Variants in PCDHA5 observed in about 807,000 individuals in gnomAD.
PCDHA5 encodes the protein protocadherin alpha-5.
Under a neutral mutation model 61.6 loss-of-function variants are expected in PCDHA5, and 43 were observed. The ratio of observed to expected loss-of-function variants is 0.70; its 90% CI spans 0.55 to 0.90. The LOEUF (loss-of-function observed/expected upper bound fraction) is 0.90. Among genes scored for constraint, PCDHA5 ranks in the 40% least tolerant of loss-of-function variants. PCDHA5 has a pLI of 0.00. For synonymous variants in PCDHA5, 627 were observed against 543.9 expected (o/e 1.15, Z -2.13); for missense variants, 1,298 against 1,222.7 (o/e 1.06, Z -0.92).
chr5:140,883,970 C>A (rs1554180846), intron 1 of PCDHA5: 1 of 1,612,990 alleles, frequency 6.2e-7, no homozygotes, highest in South Asian at 1.1e-5. Context: ...GCTGCTGACG[C>A]CCGGGGCTGG....
chr5:140,978,175 G>A (rs1163383689), intron 1 of PCDHA5, among the ~76,000 whole-genome samples: 1 of 152,170 alleles, frequency 6.6e-6, no homozygotes, highest in Admixed American at 6.5e-5. Context: ...TTTGTAGAGA[G>A]AGGGCAACAG....
intron 1 of PCDHA5, chr5:140,856,123 G>A (rs782708607): frequency 6.3e-7 from 1 of 1,598,078 alleles, no homozygotes; most frequent in African/African-American, 1.3e-5. Flanking sequence ...CCTGGGAGGT[G>A]GGGAGCGGCC....
rs1337120304 is a variant in PCDHA5, at chr5:140,839,855, G to A, written c.2352+15728G>A. The stretch of plus-strand genomic sequence containing the variant: ...ATGAATCCATGGAGAATTTACTTTT[G>A]AGGTGGACTTTGAAAGATGAATAGA... On this transcript the variant is annotated intron_variant, in intron 1 of 3. Coordinates refer to ENST00000529859, the MANE Select transcript of PCDHA5 (RefSeq NM_018908.3). Among the ~76,000 whole-genome samples, 4 of 151,970 alleles carry A rather than the reference G, an allele frequency of 2.6e-5. 1 individual carries two copies. The highest frequency in any genetic ancestry group is 9.7e-5 in the African/African-American group (4 of 41,328).
chr5:140,983,118 A>G (rs1251873984), intron 3 of PCDHA5, among the ~76,000 whole-genome samples: 1 of 152,220 alleles, frequency 6.6e-6, no homozygotes, highest in African/African-American at 2.4e-5. Flanking sequence ...CATCAACAAC[A>G]TTCTGCAGAC....
chr5:140,951,762 A>G (rs2094630710), intron 1 of PCDHA5, among the ~76,000 whole-genome samples: 1 of 152,090 alleles, frequency 6.6e-6, no homozygotes, highest in Non-Finnish European at 1.5e-5. Flanking sequence ...GCGAAATCTC[A>G]TGACGTTCTT....
At chr5:140,955,705 T>G (rs1554222053) in intron 1 of PCDHA5, among the ~76,000 whole-genome samples, 1 of 152,232 alleles carries the variant, frequency 6.6e-6, no homozygotes, top group East Asian at 1.9e-4. Context: ...CAATGGAAGT[T>G]TAATAGGAAT....
rs1563652468 is a variant in PCDHA5, at chr5:141,000,419, A to ATTT, written c.2501-9207_2501-9206insTTT. 1.8e-3 allele frequency among the ~76,000 whole-genome samples: 107 copies of ATTT among 60,980 alleles called. 1 individual carries two copies. The highest frequency in any genetic ancestry group is 3.1e-3 in the African/African-American group (41 of 13,160). 40.0% of individuals were successfully genotyped at this position (60,980 alleles called of 152,430 possible). ...TCTATATATATATATATATATATAT[A>ATTT]TATTTTTTTTTTTTTTTTTTTTTTT... On this transcript the variant is annotated intron_variant, in intron 3 of 3. Transcript: ENST00000529859.
chr5:140,949,260 T>A (rs1292112980), intron 1 of PCDHA5, among the ~76,000 whole-genome samples: 1 of 151,804 alleles, frequency 6.6e-6, no homozygotes, highest in African/African-American at 2.4e-5. Flanking sequence ...GATGAACATA[T>A]CACGTGCACT....
Position 140,823,863 on chromosome 5 carries a change from C to A in PCDHA5, c.2088C>A (p.Asn696Lys), listed in dbSNP as rs139591086. 8 of 1,613,882 alleles carry A rather than the reference C, an allele frequency of 5.0e-6. No individual in the cohort carries two copies. In the African/African-American group the frequency reaches 8.0e-5, roughly 16 times the overall value. The change falls in exon 1 of 4, where the codon AAC becomes AAA. Residue 696 changes from asparagine to lysine, a missense_variant. Asn to Lys is a moderately conservative substitution (Grantham distance 94). Transcript: ENST00000529859. Reference protein sequence around the residue: ...VGPEAALVDVNVYLIIAICAV... With the variant: ...VGPEAALVDVKVYLIIAICAV... ...CCGAGGCTGCCCTGGTGGATGTCAA[C>A]GTGTACCTGATCATCGCCATCTGTG... is the stretch of plus-strand genomic sequence containing the variant.
In PCDHA5 at chr5:140,823,968, C is replaced by T. The variant is rs2150130951; in HGVS notation, c.2193C>T (p.Cys731=). Residue 731 remains cysteine, a synonymous_variant, in exon 1 of 4, where the codon TGC becomes TGT. Transcript: ENST00000529859. ...RCSAQPTEAV[C]TRGKPTLLCS... is the part of the protein sequence containing the mutation. ...CGGCGCAGCCCACCGAGGCCGTGTGCACACGGGGCAAGCCCACTCTGTTGT... is the reference window on the plus strand; with the variant it reads ...CGGCGCAGCCCACCGAGGCCGTGTGTACACGGGGCAAGCCCACTCTGTTGT... 2 of 1,614,054 alleles carry T rather than the reference C, an allele frequency of 1.2e-6. No individual in the cohort carries two copies. The highest frequency in any genetic ancestry group is 2.2e-5 in the East Asian group (1 of 44,876).
At chr5:140,829,371 C>G (rs1243458912) in intron 1 of PCDHA5, 1 of 1,614,080 alleles carries the variant, frequency 6.2e-7, no homozygotes, top group African/African-American at 1.3e-5. Context: ...GTGGTAACCG[C>G]GCGGGACGGG....
At chr5:140,832,058 T>C (rs1771820684) in intron 1 of PCDHA5, among the ~76,000 whole-genome samples, 1 of 152,234 alleles carries the variant, frequency 6.6e-6, no homozygotes, top group South Asian at 2.1e-4. Context: ...TAATTACCAA[T>C]TTAATCTGAG....
At position 140,982,704 on chromosome 5, in the gene PCDHA5, C is replaced by T. The variant is rs1393323812; in HGVS notation, c.2500+141C>T. ...CTTTTTTCCATACATACATGATTTCCTTACATATATGATTATTTTGATTTT... is the reference window on the plus strand; with the variant it reads ...CTTTTTTCCATACATACATGATTTCTTTACATATATGATTATTTTGATTTT... On this transcript the variant is annotated intron_variant, in intron 3 of 3. Coordinates refer to ENST00000529859, the MANE Select transcript of PCDHA5 (RefSeq NM_018908.3). 8 of 1,377,410 alleles carry T rather than the reference C, an allele frequency of 5.8e-6. No homozygotes were observed. In the African/African-American group the frequency reaches 1.2e-4, roughly 20 times the overall value. The allele number at this position is 1,377,410 out of a possible 1,614,324, so 85.3% of individuals were successfully genotyped here. A position where few individuals can be genotyped will look rare whatever the true frequency, so the allele number is the denominator to read the frequency against.
intron 1 of PCDHA5, among the ~76,000 whole-genome samples, chr5:140,943,465 GA>G (rs1412044069): frequency 6.6e-6 from 1 of 152,022 alleles, no homozygotes. Flanking sequence ...CTAAATGTGG[GA>G]GATACAGTAA....
chr5:140,987,149 G>A (rs1380803903), intron 3 of PCDHA5, among the ~76,000 whole-genome samples: 1 of 151,884 alleles, frequency 6.6e-6, no homozygotes, highest in African/African-American at 2.4e-5. Context: ...GGGAGGTGGA[G>A]GTTGCAGTGA....
rs2150254480 is a variant in PCDHA5 at position 140,836,166 on chromosome 5, C to G, written c.2352+12039C>G. 9 of 1,613,708 alleles carry G rather than the reference C, an allele frequency of 5.6e-6. No homozygotes were observed. The African/African-American group carries it at 1.1e-4, about 19-fold the overall frequency. ...CGCGGGCCATGTGGTGGCGAAGGTA[C>G]GTGCAGTTGACGCTGACTCAGGCTA... On this transcript the variant is annotated intron_variant, in intron 1 of 3. Transcript: ENST00000529859.
chr5:140,936,545 G>A (rs1456098221), intron 1 of PCDHA5, among the ~76,000 whole-genome samples: 1 of 152,202 alleles, frequency 6.6e-6, no homozygotes, highest in African/African-American at 2.4e-5. Context: ...ATAGTGCAAT[G>A]TAGAAGTCAA....
intron 1 of PCDHA5, chr5:140,858,024 C>G: frequency 6.3e-7 from 1 of 1,596,700 alleles, no homozygotes; most frequent in Non-Finnish European, 8.6e-7. Context: ...CCGTCGCTGA[C>G]GGCCACGGCC....
At chr5:140,897,367 T>G (rs1554187348) in intron 1 of PCDHA5, among the ~76,000 whole-genome samples, 1 of 125,642 alleles carries the variant, frequency 8.0e-6, no homozygotes, top group South Asian at 2.5e-4. Flanking sequence ...CAGAGTGTGA[T>G]GTTCCCTTCC....
Sources: allele counts gnomAD v4.1 joint callset (sites outside exome capture counted in the v4.1 genomes callset), GRCh38; gene constraint gnomAD v4.1.1; transcripts MANE v1.5; gene names NCBI Gene and HGNC (gene_info 2026-07-23, HGNC 2026-07-21).